FOXN3: variants seen among roughly 807,000 people sequenced by gnomAD.
FOXN3 encodes forkhead box N3.
In FOXN3, 7 loss-of-function variants were observed where a neutral mutation model predicts 38.4. The observed-to-expected ratio is 0.18, with a 90% CI of 0.10 to 0.34. The LOEUF is 0.34. Ranked by LOEUF, FOXN3 falls within the 10% of genes least tolerant of loss-of-function variation. The probability of loss-of-function intolerance (pLI) is 1.00; values close to 1 mark genes in which losing one functional copy is unlikely to be tolerated. For missense variants in FOXN3, 456 were observed against 613.4 expected, an observed-to-expected ratio of 0.74 and a Z score of 2.71; for synonymous variants, 230 against 242.2, an observed-to-expected ratio of 0.95 and a Z score of 0.47.
At chr14:89,437,128 G>A (rs1892290062) in intron 1 of FOXN3, among the ~76,000 whole-genome samples, 2 of 151,812 alleles carry the variant, frequency 1.3e-5, no homozygotes, top group Admixed American at 6.6e-5. Flanking sequence ...AGCCAAGATC[G>A]CGCCACTGCA....
rs191280910 is a variant in FOXN3 at position 89,484,949 on chromosome 14, C to T, written c.-14-72459G>A. Among the ~76,000 whole-genome samples, 228 of 152,042 alleles carry T rather than the reference C, an allele frequency of 1.5e-3. 1 individual carries two copies. The highest frequency in any genetic ancestry group is 3.1e-3 in the South Asian group (15 of 4,812). ...GGAGGATCACTTGAGGTCAGGAGTT[C>T]GAGACCAGCCTGGCCAATATGGTGA... On this transcript the variant is annotated intron_variant, in intron 1 of 6. Transcript: ENST00000345097. This position sits in a 1 kb window ranked among gnomAD's most constrained non-coding sequence, Gnocchi z 4.0.
chr14:89,180,228 T>C (rs1013234500), intron 5 of FOXN3, among the ~76,000 whole-genome samples: 5 of 152,190 alleles, frequency 3.3e-5, no homozygotes, highest in Admixed American at 6.5e-5. Flanking sequence ...CTGCTATTTA[T>C]AGACCACGTA....
chr14:89,276,227 C>T (rs1171292027), intron 4 of FOXN3, among the ~76,000 whole-genome samples: 1 of 152,126 alleles, frequency 6.6e-6, no homozygotes, highest in Non-Finnish European at 1.5e-5. Context: ...TGCAGTGAGC[C>T]AAGATCACAC....
Position 89,217,534 on chromosome 14 carries a change from G to T in FOXN3, c.746-36728C>A, listed in dbSNP as rs1962128. On this transcript the variant is annotated intron_variant, in intron 4 of 5. Coordinates refer to ENST00000557258, the MANE Select transcript of FOXN3 (RefSeq NM_005197.4). ...AGAGTCCTGGAGCCAAACACATCTGGGTTCTAATTCGCCATTTCATTCACT... is the reference window on the plus strand; with the variant it reads ...AGAGTCCTGGAGCCAAACACATCTGTGTTCTAATTCGCCATTTCATTCACT... 7.7e-3 allele frequency among the ~76,000 whole-genome samples: 1,173 copies of T among 152,238 alleles called. 9 individuals are homozygous for T. Among genetic ancestry groups the T allele is most frequent in the African/African-American group, 0.027 (1,137 of 41,516 alleles).
chr14:89,216,949 A>G (rs762431216), intron 4 of FOXN3, among the ~76,000 whole-genome samples: 1 of 152,096 alleles, frequency 6.6e-6, no homozygotes, highest in Non-Finnish European at 1.5e-5. Flanking sequence ...TGGAAATGGC[A>G]TCTTCTTATT....
chr14:89,282,025 T>C (rs1234828635), intron 3 of FOXN3, among the ~76,000 whole-genome samples: 1 of 152,142 alleles, frequency 6.6e-6, no homozygotes, highest in Non-Finnish European at 1.5e-5. Context: ...GCTTCACCAT[T>C]AAACCAGGGT....
chr14:89,345,489 A>AT (rs1248415161), intron 3 of FOXN3, among the ~76,000 whole-genome samples: 4 of 151,976 alleles, frequency 2.6e-5, no homozygotes, highest in Non-Finnish European at 5.9e-5. Flanking sequence ...GTATACTACT[A>AT]TTTTTTTATT....
intron 5 of FOXN3, among the ~76,000 whole-genome samples, chr14:89,166,762 T>C (rs1008516094): frequency 2.0e-5 from 3 of 152,256 alleles, no homozygotes; most frequent in African/African-American, 7.2e-5. Context: ...ATGTAATCCA[T>C]AAGTTACACA....
chr14:89,380,024 A>G (rs1214536707), intron 2 of FOXN3, among the ~76,000 whole-genome samples: 5 of 152,198 alleles, frequency 3.3e-5, no homozygotes, highest in Non-Finnish European at 7.3e-5. Flanking sequence ...CTACTTGCAG[A>G]TGACTAAGGT....
At chr14:89,374,263 C>CAAAAAAAAAAAAA (rs35623770) in intron 2 of FOXN3, among the ~76,000 whole-genome samples, 1 of 48,178 alleles carries the variant, frequency 2.1e-5, no homozygotes, top group African/African-American at 8.0e-5. Context: ...GACCTTGTCT[C>CAAAAAAAAAAAAA]AAAAAAAAAA....
intron 4 of FOXN3, among the ~76,000 whole-genome samples, chr14:89,277,924 G>A (rs1886346497): frequency 6.6e-6 from 1 of 152,086 alleles, no homozygotes. Flanking sequence ...TTCTTGCAAT[G>A]ACATTTTTTT....
At chr14:89,323,287 CAAAA>C (rs60059606) in intron 3 of FOXN3, among the ~76,000 whole-genome samples, 2 of 75,960 alleles carry the variant, frequency 2.6e-5, no homozygotes, top group East Asian at 3.8e-4. Context: ...GACTCCATCT[CAAAA>C]AAAAAAAAAA....
chr14:89,586,847 C>T (rs943895225), intron 1 of FOXN3, among the ~76,000 whole-genome samples: 2 of 151,880 alleles, frequency 1.3e-5, no homozygotes, highest in East Asian at 1.9e-4. Flanking sequence ...CCTATCAATG[C>T]AAAAAGGGAA....
intron 3 of FOXN3, among the ~76,000 whole-genome samples, chr14:89,285,301 A>G (rs983885203): frequency 6.6e-6 from 1 of 152,182 alleles, no homozygotes; most frequent in Non-Finnish European, 1.5e-5. Flanking sequence ...TGGGCAGATC[A>G]CAAGGTCAGG....
intron 1 of FOXN3, among the ~76,000 whole-genome samples, chr14:89,539,529 G>A (rs531102521): frequency 5.3e-5 from 8 of 152,256 alleles, no homozygotes; most frequent in South Asian, 2.1e-4. Flanking sequence ...AAGTAGGGTC[G>A]ATAACAAAAT....
At chr14:89,329,727 C>T (rs987967660) in intron 3 of FOXN3, among the ~76,000 whole-genome samples, 2 of 151,712 alleles carry the variant, frequency 1.3e-5, no homozygotes, top group African/African-American at 2.4e-5. Context: ...GGTGTGGTGG[C>T]GGGCACCTGT....
At chr14:89,559,240 T>C (rs1396001494) in intron 1 of FOXN3, among the ~76,000 whole-genome samples, 4 of 151,902 alleles carry the variant, frequency 2.6e-5, no homozygotes, top group South Asian at 4.2e-4. Context: ...ATGTGCCAGA[T>C]GTTGTGGCAT....
chr14:89,240,965 G>C (rs1230127993), intron 4 of FOXN3, among the ~76,000 whole-genome samples: 2 of 151,970 alleles, frequency 1.3e-5, no homozygotes, highest in African/African-American at 4.8e-5. Context: ...TTCCCTCTAC[G>C]CCTCACTCAA....
intron 1 of FOXN3, among the ~76,000 whole-genome samples, chr14:89,613,603 A>C (rs1296055646): frequency 1.3e-5 from 2 of 152,164 alleles, no homozygotes; most frequent in African/African-American, 4.8e-5. Context: ...ATCTTTGTAA[A>C]GGAAATATTT....
Sources: gnomAD v4.1 joint callset for allele counts (sites outside exome capture counted in the v4.1 genomes callset) on GRCh38, gnomAD v4.1.1 for gene constraint, Gnocchi (gnomAD v3.1) non-coding constraint, MANE v1.5 for transcripts, NCBI Gene and HGNC (gene_info 2026-07-23, HGNC 2026-07-21) for gene names.